The following PDE1C variants were observed in gnomAD, a reference collection of about 807,000 sequenced individuals.
PDE1C encodes the protein phosphodiesterase 1C, also known as dual specificity calcium/calmodulin-dependent 3',5'-cyclic nucleotide phosphodiesterase 1C.
In PDE1C, 62 loss-of-function variants were observed where a neutral mutation model predicts 93.1. The ratio of observed to expected loss-of-function variants is 0.67; its 90% CI spans 0.54 to 0.82. The LOEUF (loss-of-function observed/expected upper bound fraction) is 0.82, where lower values mean the gene tolerates loss of function less well. Ranked by LOEUF, PDE1C falls within the 40% of genes least tolerant of loss-of-function variation. The pLI, the probability that PDE1C is intolerant of heterozygous loss-of-function variation, is 0.00. For missense variants in PDE1C, 742 were observed against 884.6 expected, an observed-to-expected ratio of 0.84 and a Z score of 2.04; for synonymous variants, 325 against 310.1, an observed-to-expected ratio of 1.05 and a Z score of -0.50.
intron 3 of PDE1C, among the ~76,000 whole-genome samples, chr7:32,137,605 C>T (rs991360565): frequency 6.6e-6 from 1 of 152,202 alleles, no homozygotes; most frequent in East Asian, 1.9e-4. Context: ...ATGACCAAGG[C>T]TGTTCATCAT....
intron 15 of PDE1C, 152 bp from the exon 16 acceptor site, chr7:31,809,260 G>A (rs753429767): frequency 5.0e-5 from 27 of 539,092 alleles, no homozygotes; most frequent in African/African-American, 1.2e-4. Flanking sequence ...TTGTAATCAC[G>A]TTAGGTCCTG....
At chr7:32,358,688 C>T (rs200778844) in intron 1 of PDE1C, among the ~76,000 whole-genome samples, 1 of 152,084 alleles carries the variant, frequency 6.6e-6, no homozygotes, top group African/African-American at 2.4e-5. Flanking sequence ...TAGTCTTCAC[C>T]GTTCTATGAA....
chr7:31,970,637 C>T (rs1008072951), intron 2 of PDE1C, among the ~76,000 whole-genome samples: 1 of 152,224 alleles, frequency 6.6e-6, no homozygotes, highest in Non-Finnish European at 1.5e-5. Flanking sequence ...TTCACTGACA[C>T]TTATTAAGTA....
At chr7:32,158,950 A>C (rs890659440) in intron 3 of PDE1C, among the ~76,000 whole-genome samples, 3 of 152,296 alleles carry the variant, frequency 2.0e-5, no homozygotes, top group Middle Eastern at 3.4e-3. Flanking sequence ...CAAATCAAAC[A>C]GTTCCTTCAA....
At chr7:31,883,850 C>T (rs1351318958) in intron 2 of PDE1C, among the ~76,000 whole-genome samples, 2 of 152,196 alleles carry the variant, frequency 1.3e-5, no homozygotes, top group Admixed American at 6.5e-5. Context: ...GAAAATCAGC[C>T]ATTCAGAGGC....
intron 1 of PDE1C, among the ~76,000 whole-genome samples, chr7:32,418,621 T>C (rs1785324561): frequency 6.6e-6 from 1 of 152,220 alleles, no homozygotes; most frequent in South Asian, 2.1e-4. Flanking sequence ...CACTTTTTCC[T>C]TCAGAACAGA....
chr7:31,861,166 A>G (rs1174863647), intron 7 of PDE1C, among the ~76,000 whole-genome samples: 2 of 152,112 alleles, frequency 1.3e-5, no homozygotes, highest in Non-Finnish European at 2.9e-5. Context: ...CATGCAATGC[A>G]CCACTCTCTT....
intron 2 of PDE1C, among the ~76,000 whole-genome samples, chr7:31,992,346 A>T (rs531171258): frequency 6.6e-6 from 1 of 152,376 alleles, no homozygotes; most frequent in South Asian, 2.1e-4. Context: ...ACAATGAAGG[A>T]GGCACCAGTA....
intron 6 of PDE1C, among the ~76,000 whole-genome samples, chr7:31,872,080 G>A (rs1796014376): frequency 6.6e-6 from 1 of 152,088 alleles, no homozygotes; most frequent in African/African-American, 2.4e-5. Flanking sequence ...GCAGCAACAT[G>A]GATAGAATTG....
chr7:31,946,594 C>G (rs539531335), intron 2 of PDE1C, among the ~76,000 whole-genome samples: 13 of 152,326 alleles, frequency 8.5e-5, no homozygotes, highest in Admixed American at 2.6e-4. Context: ...ACCATCACAG[C>G]TATAGCTTAT....
intron 2 of PDE1C, among the ~76,000 whole-genome samples, chr7:32,195,978 A>G (rs899634626): frequency 3.5e-4 from 53 of 152,218 alleles, no homozygotes; most frequent in African/African-American, 4.8e-5. Flanking sequence ...TCATTGTACA[A>G]TGCTATAGTC....
the PDE1C span, among the ~76,000 whole-genome samples, chr7:31,688,788 A>T: frequency 1.3e-5 from 2 of 152,194 alleles, no homozygotes; most frequent in African/African-American, 4.8e-5. Context: ...CCCTGAAATC[A>T]TATCTCTTGG....
At chr7:31,649,958 G>T in the PDE1C span, among the ~76,000 whole-genome samples, 1 of 152,186 alleles carries the variant, frequency 6.6e-6, no homozygotes, top group East Asian at 1.9e-4. Flanking sequence ...ATAAGGGAGG[G>T]TGAAGAGTAG....
chr7:31,664,712 C>A, the PDE1C span, among the ~76,000 whole-genome samples: 5 of 152,320 alleles, frequency 3.3e-5, no homozygotes, highest in Non-Finnish European at 5.9e-5. Context: ...AGCAACCTTT[C>A]CCTTCAAAGA....
Position 31,919,408 on chromosome 7 carries a change from T to C in PDE1C, c.129-38548A>G, listed in dbSNP as rs188348357. Among the ~76,000 whole-genome samples, 483 of 152,248 alleles carry C rather than the reference T, an allele frequency of 3.2e-3. 5 individuals are homozygous for C. The highest frequency in any genetic ancestry group is 0.011 in the African/African-American group (451 of 41,544). On this transcript the variant is annotated intron_variant, in intron 2 of 17. Transcript: ENST00000396191. ...ATAATAAGAAAGCCTCATATGGTGG[T>C]ATGAGGAGTAAACAAATTAAAACTT...
At chr7:31,834,855 G>C (rs1790859954) in intron 11 of PDE1C, among the ~76,000 whole-genome samples, 1 of 152,000 alleles carries the variant, frequency 6.6e-6, no homozygotes, top group African/African-American at 2.4e-5. Flanking sequence ...TTTGGGAGGG[G>C]TCAGGGTGGA....
chr7:31,784,377 T>C (rs1424796213), intron 16 of PDE1C: 3 of 152,200 alleles, frequency 2.0e-5, no homozygotes, highest in Non-Finnish European at 2.9e-5. Context: ...TTTGGGTAAT[T>C]GATTTCCCAT....
At chr7:31,999,598 G>T (rs1268495238) in intron 2 of PDE1C, among the ~76,000 whole-genome samples, 1 of 152,158 alleles carries the variant, frequency 6.6e-6, no homozygotes, top group Non-Finnish European at 1.5e-5. Context: ...TAAATCTGTT[G>T]ATTGCATGGC....
chr7:32,079,897 G>C (rs1796562329), intron 3 of PDE1C, among the ~76,000 whole-genome samples: 1 of 152,166 alleles, frequency 6.6e-6, no homozygotes, highest in South Asian at 2.1e-4. Flanking sequence ...TGCAGGGTGT[G>C]GGGAGGGAGT....
Sources: gnomAD v4.1 joint callset for allele counts (sites outside exome capture counted in the v4.1 genomes callset) on GRCh38, gnomAD v4.1.1 for gene constraint, MANE v1.5 for transcripts, NCBI Gene and HGNC (gene_info 2026-07-23, HGNC 2026-07-21) for gene names.